The following LGSN variants were observed in gnomAD, a reference collection of about 807,000 sequenced individuals.
LGSN encodes the protein lengsin, lens protein with glutamine synthetase domain.
LGSN carries 21 observed loss-of-function variants against 19.5 expected under a neutral mutation model. The observed-to-expected ratio is 1.07, with a 90% CI of 0.76 to 1.55. LGSN has a LOEUF of 1.55. LGSN is among the 40% of genes most tolerant of loss of function. The pLI is 0.00. For missense variants in LGSN, 673 were observed against 608.5 expected, an observed-to-expected ratio of 1.11 and a Z score of -1.12; for synonymous variants, 257 against 215.6, an observed-to-expected ratio of 1.19 and a Z score of -1.68.
At chr6:63,317,574 C>T (rs1175429060) in intron 1 of LGSN, among the ~76,000 whole-genome samples, 1 of 152,146 alleles carries the variant, frequency 6.6e-6, no homozygotes, top group East Asian at 1.9e-4. Flanking sequence ...GAAGACAAAT[C>T]TTCTGAATTC....
the LGSN span, among the ~76,000 whole-genome samples, chr6:63,559,130 G>A: frequency 1.3e-5 from 2 of 152,078 alleles, no homozygotes; most frequent in Admixed American, 6.5e-5. Flanking sequence ...GTCCATTAGC[G>A]GGAAATCAAC....
the LGSN span, among the ~76,000 whole-genome samples, chr6:63,402,919 A>T: frequency 6.6e-6 from 1 of 152,216 alleles, no homozygotes; most frequent in African/African-American, 2.4e-5. Flanking sequence ...CCCCTCAAAA[A>T]TAAGAAATTT....
At chr6:63,309,174 T>C (rs1365881266) in intron 1 of LGSN, among the ~76,000 whole-genome samples, 1 of 152,224 alleles carries the variant, frequency 6.6e-6, no homozygotes, top group Admixed American at 6.5e-5. Flanking sequence ...GGCTCACGTC[T>C]GTAATCCCAG....
the LGSN span, among the ~76,000 whole-genome samples, chr6:63,352,251 A>G: frequency 6.6e-6 from 1 of 152,262 alleles, no homozygotes; most frequent in Non-Finnish European, 1.5e-5. Flanking sequence ...GGAATTTTCC[A>G]AAACTCACAT....
the LGSN span, among the ~76,000 whole-genome samples, chr6:63,513,311 G>A: frequency 6.6e-6 from 1 of 152,142 alleles, no homozygotes; most frequent in African/African-American, 2.4e-5. Context: ...TCATTGGCAG[G>A]ATTGTGTGCC....
At chr6:63,565,249 AC>A in the LGSN span, among the ~76,000 whole-genome samples, 1 of 151,832 alleles carries the variant, frequency 6.6e-6, no homozygotes, top group South Asian at 2.1e-4. Context: ...CTTAATACAC[AC>A]ACTAAGCTCC....
At chr6:63,422,790 A>AGACAC in the LGSN span, among the ~76,000 whole-genome samples, 1 of 152,136 alleles carries the variant, frequency 6.6e-6, no homozygotes, top group Non-Finnish European at 1.5e-5. Flanking sequence ...CAGGGAAAAG[A>AGACAC]AAAATAGAGA....
the LGSN span, among the ~76,000 whole-genome samples, chr6:63,499,545 A>T: frequency 6.6e-6 from 1 of 152,040 alleles, no homozygotes; most frequent in South Asian, 2.1e-4. Context: ...TAGAGAAGAA[A>T]ATCTCGCTTT....
At chr6:63,445,230 G>T in the LGSN span, among the ~76,000 whole-genome samples, 1 of 152,162 alleles carries the variant, frequency 6.6e-6, no homozygotes, top group African/African-American at 2.4e-5. Flanking sequence ...AGAATCACTT[G>T]AAGCTGGGAG....
chr6:63,299,790 T>C (rs1768115228), intron 1 of LGSN, among the ~76,000 whole-genome samples: 1 of 152,200 alleles, frequency 6.6e-6, no homozygotes, highest in African/African-American at 2.4e-5. Flanking sequence ...CAAAATAAAA[T>C]AGGAATGTCT....
the LGSN span, among the ~76,000 whole-genome samples, chr6:63,459,228 G>A: frequency 1.3e-5 from 2 of 152,012 alleles, no homozygotes; most frequent in African/African-American, 4.8e-5. Context: ...AACCATTTTG[G>A]TTCTCTCAAA....
chr6:63,321,066 C>T (rs1769064169), upstream of LGSN, among the ~76,000 whole-genome samples: 1 of 152,142 alleles, frequency 6.6e-6, no homozygotes. Context: ...CTGAATATGG[C>T]TGTTTTGGAC....
At chr6:63,323,559 T>TATACACACAC (rs540446460), upstream of LGSN, among the ~76,000 whole-genome samples, 8 of 132,762 alleles carry the variant, frequency 6.0e-5, no homozygotes, top group Non-Finnish European at 9.6e-5. Context: ...AAACCTCATA[T>TATACACACAC]ACACACACAC....
the LGSN span, among the ~76,000 whole-genome samples, chr6:63,412,575 G>GA: frequency 8.9e-3 from 796 of 89,508 alleles, 14 homozygotes; most frequent in African/African-American, 0.023. Context: ...AGAAAGGAAG[G>GA]AAGGAAAGAA....
the LGSN span, among the ~76,000 whole-genome samples, chr6:63,413,154 G>GAGGTATGGTGTATTA: frequency 2.0e-5 from 3 of 151,996 alleles, no homozygotes; most frequent in African/African-American, 7.2e-5. Flanking sequence ...AAAATGTAAA[G>GAGGTATGGTGTATTA]CAACACCATA....
the LGSN span, among the ~76,000 whole-genome samples, chr6:63,382,861 C>T: frequency 1.2e-3 from 180 of 152,276 alleles, no homozygotes; most frequent in African/African-American, 4.1e-3. Context: ...AGAATTACTG[C>T]TGTCACATAC....
At position 63,280,782 on chromosome 6, in the gene LGSN, A is replaced by G. The variant is rs774260046; in HGVS notation, c.769T>C (p.Phe257Leu). Residue 257 changes from phenylalanine (F) to leucine (L), a missense_variant, in exon 4 of 4, where the codon TTT (phenylalanine) becomes CTT (leucine). Physicochemically the swap from Phe to Leu is conservative, Grantham distance 22. Transcript: ENST00000370657. The part of the protein sequence containing the change: ...LYHTGANVES[F>L]SSSTRPGQME... ...TGACCAGGCCTGGTAGAGGAGGAAA[A>G]ACTCTCGACATTGGCTCCAGTGTGA... The G allele has an allele frequency of 3.7e-6, 6 of 1,614,142 alleles. No individual in the cohort carries two copies. The highest frequency in any genetic ancestry group is 5.1e-6 in the Non-Finnish European group (6 of 1,180,022).
chr6:63,297,698 C>T (rs1768030824), intron 1 of LGSN, among the ~76,000 whole-genome samples: 1 of 152,114 alleles, frequency 6.6e-6, no homozygotes, highest in African/African-American at 2.4e-5. Flanking sequence ...CTGACCTTTC[C>T]ACAAAGTAGC....
intron 2 of LGSN, among the ~76,000 whole-genome samples, chr6:63,294,325 ACT>A (rs1254313684): frequency 6.6e-6 from 1 of 152,058 alleles, no homozygotes; most frequent in Non-Finnish European, 1.5e-5. Context: ...ACAGAGTGAG[ACT>A]CTGTCTCAAA....
Sources: gnomAD v4.1 joint callset for allele counts (sites outside exome capture counted in the v4.1 genomes callset) on GRCh38, gnomAD v4.1.1 for gene constraint, MANE v1.5 for transcripts, NCBI Gene and HGNC (gene_info 2026-07-23, HGNC 2026-07-21) for gene names.